Variants in C8B observed in about 807,000 individuals in gnomAD.
C8B encodes complement component C8 beta chain.
In C8B, 67 loss-of-function variants were observed where a neutral mutation model predicts 64.6. That is an observed-to-expected ratio of 1.04 (90% CI 0.85 to 1.27). The LOEUF is 1.27. Ranked by LOEUF, C8B falls within the 50% of genes most tolerant of loss-of-function variation. C8B has a pLI of 0.00. For synonymous variants in C8B, 284 were observed against 257.7 expected, an observed-to-expected ratio of 1.10 and a Z score of -0.98; for missense variants, 790 against 725.2, an observed-to-expected ratio of 1.09 and a Z score of -1.03.
intron 1 of C8B, among the ~76,000 whole-genome samples, chr1:56,961,107 G>A (rs1645173995): frequency 6.6e-6 from 1 of 152,184 alleles, no homozygotes; most frequent in African/African-American, 2.4e-5. Flanking sequence ...AGCACATTGG[G>A]TTATGAGTGG....
intron 7 of C8B, among the ~76,000 whole-genome samples, chr1:56,944,318 G>T (rs1278443303): frequency 1.3e-5 from 2 of 152,118 alleles, no homozygotes; most frequent in East Asian, 1.9e-4. Flanking sequence ...TTCATTTTTG[G>T]ACTATTTCCT....
At chr1:56,932,981 T>C (rs1449321716) in intron 10 of C8B, among the ~76,000 whole-genome samples, 5 of 152,170 alleles carry the variant, frequency 3.3e-5, no homozygotes, top group Non-Finnish European at 5.9e-5. Context: ...AATCAAGTTC[T>C]AGTGGCCCAT....
intron 11 of C8B, among the ~76,000 whole-genome samples, chr1:56,930,616 T>TG (rs1159388920): frequency 1.3e-5 from 2 of 152,130 alleles, no homozygotes; most frequent in African/African-American, 4.8e-5. Flanking sequence ...TCAAAGGCTG[T>TG]GGGGGCAGAC....
In C8B at chr1:56,965,394, A is replaced by T. The variant is rs199723264; in HGVS notation, c.92+463T>A. Among the ~76,000 whole-genome samples, 625 of 87,662 alleles carry T rather than the reference A, an allele frequency of 7.1e-3. 12 individuals are homozygous for T. In the East Asian group the frequency reaches 0.088, roughly 12 times the overall value. 57.5% of individuals were successfully genotyped at this position (87,662 alleles called of 152,430 possible). On this transcript the variant is annotated intron_variant, in intron 1 of 11. Transcript: ENST00000371237. ...TGTGGGGGGTGAGAGAGAGAGAGAG[A>T]GAGAGTGTGTGTGTGTGTGTGTGTG... is the stretch of plus-strand genomic sequence containing the variant.
In C8B at chr1:56,946,032, G is replaced by A; in HGVS notation, c.894C>T (p.Asp298=). ...TCAGCTTGTAATGTGCTACTTCAAG[G>A]TCAGAGCGTGCATGCAGAAATACGC... ...TKSVFLHARS[D]LEVAHYKLKP... The change falls in exon 7 of 12, where the codon GAC becomes GAT. Residue 298 remains aspartate, a synonymous_variant. Transcript: ENST00000371237. The A allele has an allele frequency of 6.2e-7, 1 of 1,614,070 alleles. No homozygotes were observed. The highest frequency in any genetic ancestry group is 2.2e-5 in the East Asian group (1 of 44,870).
intron 7 of C8B, among the ~76,000 whole-genome samples, chr1:56,945,005 TG>T (rs1343249017): frequency 1.3e-5 from 2 of 152,004 alleles, no homozygotes; most frequent in African/African-American, 4.8e-5. Flanking sequence ...AGGGGAGGGA[TG>T]GGGGTGGAAT....
chr1:56,962,751 C>G (rs779727470), intron 1 of C8B, among the ~76,000 whole-genome samples: 2 of 152,316 alleles, frequency 1.3e-5, no homozygotes, highest in East Asian at 3.9e-4. Context: ...CCCCACCTTA[C>G]CCCCAGAGGG....
intron 1 of C8B, among the ~76,000 whole-genome samples, chr1:56,964,830 C>T (rs55978127): frequency 8.5e-5 from 13 of 152,290 alleles, no homozygotes; most frequent in East Asian, 7.7e-4. Context: ...TCCTCCATTC[C>T]GGAGACATTT....
rs750635100 is a variant in C8B at position 56,955,725 on chromosome 1, AT to A, written c.392-899del. On this transcript the variant is annotated intron_variant, in intron 3 of 11. Coordinates refer to ENST00000371237, the MANE Select transcript of C8B (RefSeq NM_000066.4). Reference sequence around the variant, plus strand: ...GGATACACTGTAAAAAGTCTCTCAGATTTATTGGATAGAATTTTGCATTTGC... The same window carrying A: ...GGATACACTGTAAAAAGTCTCTCAGATTATTGGATAGAATTTTGCATTTGC... Among the ~76,000 whole-genome samples the A allele has an allele frequency of 4.6e-5, 7 of 152,178 alleles. No individual in the cohort carries two copies. The East Asian group carries it at 5.8e-4, about 13-fold the overall frequency.
At chr1:56,931,665 A>G in intron 11 of C8B, 145 bp downstream of exon 11, 1 of 662,468 alleles carries the variant, frequency 1.5e-6, no homozygotes, top group Non-Finnish European at 2.8e-6. Flanking sequence ...AATGATGGAG[A>G]TGGAATTTCA....
intron 2 of C8B, among the ~76,000 whole-genome samples, chr1:56,958,456 G>A (rs754954715): frequency 5.9e-5 from 9 of 152,096 alleles, no homozygotes; most frequent in Non-Finnish European, 8.8e-5. Context: ...AGAAGGCAGA[G>A]CCTGTCAGGA....
intron 8 of C8B, among the ~76,000 whole-genome samples, chr1:56,943,015 G>A (rs1420644280): frequency 1.3e-5 from 2 of 151,918 alleles, no homozygotes; most frequent in Non-Finnish European, 2.9e-5. Flanking sequence ...AGGATTGCCT[G>A]AGCCCCGAAG....
chr1:56,964,101 T>C, intron 1 of C8B: 1 of 583,414 alleles, frequency 1.7e-6, no homozygotes, highest in Non-Finnish European at 2.2e-6. Context: ...AATCTTTTCT[T>C]GTCACTGAGG....
At chr1:56,953,502 C>A (rs1358782073) in intron 4 of C8B, among the ~76,000 whole-genome samples, 1 of 152,156 alleles carries the variant, frequency 6.6e-6, no homozygotes, top group Non-Finnish European at 1.5e-5. Flanking sequence ...GGGTAACTGA[C>A]TAACCCAGAG....
rs897926779 is a variant in C8B at position 56,956,964 on chromosome 1, C to G, written c.250-54G>C. The G allele has an allele frequency of 7.5e-6, 12 of 1,601,902 alleles. 1 individual carries two copies. In the Admixed American group the frequency reaches 1.8e-4, roughly 25 times the overall value. ...AGGGTAAAGCCTTAGATCTCAGGAGCTGAGGGATACTCTGTGTAAATGGGT... is the reference window on the plus strand; with the variant it reads ...AGGGTAAAGCCTTAGATCTCAGGAGGTGAGGGATACTCTGTGTAAATGGGT... On this transcript the variant is annotated intron_variant, in intron 2 of 11. Transcript: ENST00000371237.
chr1:56,960,897 G>A lies in C8B; in HGVS notation c.93-721C>T, dbSNP rs72917412. ...GTTCCAGGTGCCATGAAACACCTAC[G>A]GAGACTCATTTAGTAAATAGTTCCT... On this transcript the variant is annotated intron_variant, in intron 1 of 11. Transcript: ENST00000371237. Among the ~76,000 whole-genome samples, 731 of 151,976 alleles carry A rather than the reference G, an allele frequency of 4.8e-3. 5 individuals carry two copies. Among genetic ancestry groups the A allele is most frequent in the African/African-American group, 0.013 (552 of 41,522 alleles).
intron 2 of C8B, chr1:56,959,546 A>G: frequency 2.0e-6 from 3 of 1,523,142 alleles, no homozygotes; most frequent in Non-Finnish European, 2.6e-6. Context: ...AGCAGCATGA[A>G]GAAACGCCCA....
chr1:56,951,232 C>T lies in C8B; in HGVS notation c.666+816G>A, dbSNP rs189423128. On this transcript the variant is annotated intron_variant, in intron 5 of 11. Transcript: ENST00000371237. ...GGTTGGGACTATAGACACGCACCAC[C>T]ACACCCGGCTAGAAAAAAGGGAGCA... Among the ~76,000 whole-genome samples, 25 of 152,226 alleles carry T rather than the reference C, an allele frequency of 1.6e-4. 1 individual carries two copies. The highest frequency in any genetic ancestry group is 6.0e-4 in the African/African-American group (25 of 41,542).
intron 5 of C8B, among the ~76,000 whole-genome samples, chr1:56,951,317 G>A (rs1447098098): frequency 6.6e-6 from 1 of 152,176 alleles, no homozygotes; most frequent in Non-Finnish European, 1.5e-5. Flanking sequence ...TTTCACAGAT[G>A]AGAAAACTGA....
Sources: allele counts gnomAD v4.1 joint callset (sites outside exome capture counted in the v4.1 genomes callset), GRCh38; gene constraint gnomAD v4.1.1; transcripts MANE v1.5; gene names NCBI Gene and HGNC (gene_info 2026-07-23, HGNC 2026-07-21).